Variants in NDST4 observed in about 807,000 individuals in gnomAD.
NDST4 encodes the protein N-deacetylase and N-sulfotransferase 4, also known as N-heparan sulfate sulfotransferase 4.
NDST4 carries 63 observed loss-of-function variants against 100.8 expected under a neutral mutation model. The observed-to-expected ratio is 0.62, with a 90% CI of 0.51 to 0.77. The LOEUF is 0.77. NDST4 is among the 30% of genes least tolerant of loss of function. The pLI is 0.00. For missense variants in NDST4, 943 were observed against 1,018.4 expected (o/e 0.93, Z 1.01); for synonymous variants, 377 against 361.8 (o/e 1.04, Z -0.48).
chr4:114,934,583 A>T (rs991026752), intron 6 of NDST4, among the ~76,000 whole-genome samples: 22 of 151,504 alleles, frequency 1.5e-4, no homozygotes, highest in African/African-American at 5.1e-4. Context: ...AAAAATAAAA[A>T]AAATAAAAAT....
intron 3 of NDST4, among the ~76,000 whole-genome samples, chr4:114,970,877 C>A (rs945824433): frequency 3.3e-5 from 5 of 151,906 alleles, no homozygotes; most frequent in Admixed American, 6.6e-5. Context: ...GTATTTTATA[C>A]CCTAACATAT....
intron 7 of NDST4, among the ~76,000 whole-genome samples, chr4:114,854,593 C>T (rs1410418635): frequency 6.6e-6 from 1 of 152,058 alleles, no homozygotes; most frequent in African/African-American, 2.4e-5. Flanking sequence ...CCCAGCCTCC[C>T]GAGTAGCTGG....
chr4:115,091,038 ACAT>A (rs1729509568), intron 1 of NDST4, among the ~76,000 whole-genome samples: 1 of 152,116 alleles, frequency 6.6e-6, no homozygotes, highest in African/African-American at 2.4e-5. Context: ...AAAAAATAAA[ACAT>A]CACCTCTGTT....
At chr4:114,994,322 C>A (rs1180002178) in intron 2 of NDST4, among the ~76,000 whole-genome samples, 1 of 151,948 alleles carries the variant, frequency 6.6e-6, no homozygotes, top group African/African-American at 2.4e-5. Context: ...TTTCTCCCAG[C>A]CACTTGAATG....
chr4:115,098,815 G>A (rs909007689), intron 1 of NDST4, among the ~76,000 whole-genome samples: 10 of 152,058 alleles, frequency 6.6e-5, no homozygotes, highest in African/African-American at 1.9e-4. Context: ...TCTTCCCACC[G>A]CAGCCTTCTG....
chr4:115,108,781 G>A (rs1729882328), intron 1 of NDST4, among the ~76,000 whole-genome samples: 1 of 151,782 alleles, frequency 6.6e-6, no homozygotes, highest in Admixed American at 6.6e-5. Flanking sequence ...TTCCTTGATT[G>A]CTTATTGCAA....
intron 2 of NDST4, among the ~76,000 whole-genome samples, chr4:115,060,133 G>A (rs1302935320): frequency 6.6e-6 from 1 of 151,932 alleles, no homozygotes; most frequent in Non-Finnish European, 1.5e-5. Flanking sequence ...CATTCAAGGG[G>A]AATTAATTTA....
chr4:115,022,740 A>G (rs908619638), intron 2 of NDST4, among the ~76,000 whole-genome samples: 3 of 152,044 alleles, frequency 2.0e-5, no homozygotes, highest in Non-Finnish European at 4.4e-5. Flanking sequence ...TTGAATTATG[A>G]GGGCGGGTCT....
Position 114,997,488 on chromosome 4 carries a change from AT to A in NDST4, c.979-20215del, listed in dbSNP as rs374123520. On this transcript the variant is annotated intron_variant, in intron 2 of 13. Coordinates refer to ENST00000264363, the MANE Select transcript of NDST4 (RefSeq NM_022569.3). The stretch of plus-strand genomic sequence containing the variant: ...CACTGTTTTAATTGGTTGGTGATTA[AT>A]TTTTTTTTCAGTATGGCAGAACATA... Among the ~76,000 whole-genome samples the A allele has an allele frequency of 5.3e-4, 81 of 151,438 alleles. No homozygotes were observed. In the East Asian group the frequency reaches 9.3e-3, roughly 17 times the overall value.
At chr4:115,027,381 A>G (rs1402549708) in intron 2 of NDST4, among the ~76,000 whole-genome samples, 1 of 152,146 alleles carries the variant, frequency 6.6e-6, no homozygotes, top group African/African-American at 2.4e-5. Context: ...ATTGTATCTC[A>G]ACACTTATGG....
At chr4:114,904,099 G>GA (rs1158452723) in intron 6 of NDST4, among the ~76,000 whole-genome samples, 3 of 151,738 alleles carry the variant, frequency 2.0e-5, no homozygotes, top group African/African-American at 7.3e-5. Context: ...GCAGTTATTA[G>GA]AAAAAAGGGT....
rs1380700950 is a variant in NDST4 at position 114,876,550 on chromosome 4, T to C, written c.1537-5600A>G. ...TAACACTTCTTGATTTAAACACACA[T>C]AACTATTGATAATAATTGTAGGCAA... is the stretch of plus-strand genomic sequence containing the variant. On this transcript the variant is annotated intron_variant, in intron 6 of 13. Coordinates refer to ENST00000264363, the MANE Select transcript of NDST4 (RefSeq NM_022569.3). 2.0e-5 allele frequency among the ~76,000 whole-genome samples: 3 copies of C among 152,160 alleles called. No individual in the cohort carries two copies. The East Asian group carries it at 5.8e-4, about 29-fold the overall frequency.
In NDST4 at chr4:115,069,144, G is replaced by A. The variant is rs574420862; in HGVS notation, c.978+6915C>T. Among the ~76,000 whole-genome samples, 15 of 152,284 alleles carry A rather than the reference G, an allele frequency of 9.9e-5. No individual in the cohort carries two copies. The South Asian group carries it at 2.1e-3, about 21-fold the overall frequency. On this transcript the variant is annotated intron_variant, in intron 2 of 13. Transcript: ENST00000264363. ...TCTTATAAAAAGTAGAACTTAAAAT[G>A]TGGGTAGATTCAGGAAAAGTATTTT...
chr4:114,971,046 C>A (rs1056138534), intron 3 of NDST4, among the ~76,000 whole-genome samples: 5 of 151,748 alleles, frequency 3.3e-5, no homozygotes, highest in African/African-American at 4.8e-5. Flanking sequence ...CAAAAACAAA[C>A]ACAAAAACAA....
intron 2 of NDST4, among the ~76,000 whole-genome samples, chr4:115,028,333 T>C (rs543955748): frequency 6.6e-6 from 1 of 152,222 alleles, no homozygotes; most frequent in African/African-American, 2.4e-5. Context: ...GGAAACACTT[T>C]GGACAGAAAC....
chr4:114,962,167 A>G (rs1726277813), intron 4 of NDST4, among the ~76,000 whole-genome samples: 2 of 152,110 alleles, frequency 1.3e-5, no homozygotes, highest in Non-Finnish European at 2.9e-5. Context: ...CAACTTGATA[A>G]TAGGTATCTA....
At chr4:115,098,138 C>A (rs1292329924) in intron 1 of NDST4, among the ~76,000 whole-genome samples, 2 of 152,130 alleles carry the variant, frequency 1.3e-5, no homozygotes, top group Non-Finnish European at 1.5e-5. Context: ...AATTAAAATG[C>A]AAACTCTTTG....
chr4:114,829,559 T>C (rs1723150141), intron 13 of NDST4, among the ~76,000 whole-genome samples: 1 of 152,196 alleles, frequency 6.6e-6, no homozygotes, highest in Non-Finnish European at 1.5e-5. Flanking sequence ...TTGAATTGCA[T>C]TCAAACAGCA....
intron 1 of NDST4, among the ~76,000 whole-genome samples, chr4:115,106,401 C>T (rs1446792289): frequency 1.3e-5 from 2 of 151,996 alleles, no homozygotes; most frequent in South Asian, 4.2e-4. Context: ...AAGAAACAGT[C>T]ATCTCTTGTC....
Sources: allele counts gnomAD v4.1 joint callset (sites outside exome capture counted in the v4.1 genomes callset), GRCh38; gene constraint gnomAD v4.1.1; transcripts MANE v1.5; gene names NCBI Gene and HGNC (gene_info 2026-07-23, HGNC 2026-07-21).